Variants in MAN1C1 observed in about 807,000 individuals in gnomAD.
The protein encoded by MAN1C1 is mannosidase alpha class 1C member 1, also known as mannosyl-oligosaccharide 1,2-alpha-mannosidase IC.
Under a neutral mutation model 71.5 loss-of-function variants are expected in MAN1C1, and 49 were observed. That is an observed-to-expected ratio of 0.69 (90% CI 0.54 to 0.87). The LOEUF (loss-of-function observed/expected upper bound fraction) is 0.87. Among genes scored for constraint, MAN1C1 ranks in the 40% least tolerant of loss-of-function variants. The pLI is 0.00. For missense variants in MAN1C1, 743 were observed against 835.0 expected (o/e 0.89, Z 1.36); for synonymous variants, 352 against 343.7 (o/e 1.02, Z -0.27).
chr1:25,728,220 G>C (rs113370552), intron 2 of MAN1C1, among the ~76,000 whole-genome samples: 109 of 152,262 alleles, frequency 7.2e-4, no homozygotes, highest in Non-Finnish European at 1.4e-3. Context: ...GAGCTTCTCC[G>C]GGCCTTAGCT....
chr1:25,639,526 C>G (rs2045510012), intron 1 of MAN1C1, among the ~76,000 whole-genome samples: 1 of 152,180 alleles, frequency 6.6e-6, no homozygotes, highest in Non-Finnish European at 1.5e-5. Flanking sequence ...CTTCTTGTAG[C>G]TGTCAGAATA....
chr1:25,777,779 TCAAA>T, intron 8 of MAN1C1: 1 of 241,390 alleles, frequency 4.1e-6, no homozygotes, highest in Non-Finnish European at 7.9e-6. Context: ...CTGGTTAAGA[TCAAA>T]CAGAGGACAT....
At chr1:25,651,352 C>T (rs1171618562) in intron 1 of MAN1C1, among the ~76,000 whole-genome samples, 1 of 152,168 alleles carries the variant, frequency 6.6e-6, no homozygotes, top group East Asian at 1.9e-4. Flanking sequence ...TTGCACGGCT[C>T]TTCAGCTGGC....
chr1:25,693,652 G>A (rs937387857), intron 2 of MAN1C1, among the ~76,000 whole-genome samples: 3 of 152,100 alleles, frequency 2.0e-5, no homozygotes. Flanking sequence ...GAAAATTTGC[G>A]ATTAGGTGGA....
Position 25,783,749 on chromosome 1 carries a change from A to G in MAN1C1, c.1853A>G (p.Asn618Ser). 2 of 1,612,972 alleles carry G rather than the reference A, an allele frequency of 1.2e-6. No individual in the cohort carries two copies. Among genetic ancestry groups the G allele is most frequent in the Non-Finnish European group, 1.7e-6 (2 of 1,180,010 alleles). Reference protein sequence around the residue: ...FNTEAHPLPVNHSDSSGRAWG... With the variant: ...FNTEAHPLPVSHSDSSGRAWG... ...ACCGAGGCCCACCCACTCCCGGTGAACCACTCAGACAGCTCCGGCAGAGCC... is the reference window on the plus strand; with the variant it reads ...ACCGAGGCCCACCCACTCCCGGTGAGCCACTCAGACAGCTCCGGCAGAGCC... Residue 618 changes from asparagine (N) to serine (S), a missense_variant, in exon 12 of 12, where the codon AAC (asparagine) becomes AGC (serine). Physicochemically the swap from Asn to Ser is conservative, Grantham distance 46. Coordinates refer to ENST00000374332, the MANE Select transcript of MAN1C1 (RefSeq NM_020379.4).
chr1:25,732,429 C>T (rs11799560), intron 2 of MAN1C1, among the ~76,000 whole-genome samples: 1,532 of 152,312 alleles, frequency 0.01, 28 homozygotes, highest in African/African-American at 0.033. Flanking sequence ...AGATGATTCT[C>T]TAAGCCTCAG....
At chr1:25,660,113 T>C (rs1277849471) in intron 1 of MAN1C1, among the ~76,000 whole-genome samples, 4 of 152,140 alleles carry the variant, frequency 2.6e-5, no homozygotes, top group Non-Finnish European at 4.4e-5. Context: ...CTTAAGTGTT[T>C]ATATATGGCC....
At chr1:25,686,847 G>A (rs972625134) in intron 2 of MAN1C1, among the ~76,000 whole-genome samples, 15 of 152,336 alleles carry the variant, frequency 9.8e-5, no homozygotes, top group African/African-American at 3.4e-4. Flanking sequence ...TGTTTCCGTG[G>A]AGGTTTGGAG....
intron 1 of MAN1C1, among the ~76,000 whole-genome samples, chr1:25,667,607 G>C (rs1172137391): frequency 2.7e-5 from 4 of 150,606 alleles, no homozygotes; most frequent in Non-Finnish European, 5.9e-5. Context: ...ATAGTTAATT[G>C]TTCTTCGGCA....
intron 4 of MAN1C1, among the ~76,000 whole-genome samples, chr1:25,750,677 G>T (rs574116605): frequency 6.6e-6 from 1 of 152,176 alleles, no homozygotes; most frequent in Non-Finnish European, 1.5e-5. Flanking sequence ...AGAGATTAGC[G>T]CTTGTACCAA....
At chr1:25,767,143 C>A (rs1330559923) in intron 7 of MAN1C1, among the ~76,000 whole-genome samples, 1 of 150,340 alleles carries the variant, frequency 6.7e-6, no homozygotes, top group Admixed American at 6.6e-5. Flanking sequence ...TGGGGAAGAC[C>A]ACACTCGTAC....
intron 1 of MAN1C1, among the ~76,000 whole-genome samples, chr1:25,660,396 CTTTTTTTTTTTTTTTT>C (rs1178878513): frequency 4.1e-5 from 4 of 97,602 alleles, no homozygotes; most frequent in Admixed American, 1.1e-4. Flanking sequence ...AGTGAAATTC[CTTTTTTTTTTTTTTTT>C]TTTTTTTTTT....
intron 3 of MAN1C1, among the ~76,000 whole-genome samples, chr1:25,747,456 GGA>G (rs1226444226): frequency 3.9e-5 from 6 of 152,242 alleles, no homozygotes; most frequent in Non-Finnish European, 8.8e-5. Flanking sequence ...AGCTCCCCAC[GGA>G]GAGAGGCTAT....
chr1:25,629,894 A>G (rs766709334), intron 1 of MAN1C1, among the ~76,000 whole-genome samples: 19 of 152,172 alleles, frequency 1.2e-4, no homozygotes, highest in Non-Finnish European at 2.1e-4. Flanking sequence ...TAGTTTAACG[A>G]GATCCCATTT....
At chr1:25,633,299 C>T (rs2045410931) in intron 1 of MAN1C1, among the ~76,000 whole-genome samples, 1 of 152,162 alleles carries the variant, frequency 6.6e-6, no homozygotes, top group Non-Finnish European at 1.5e-5. Context: ...CTGTAAATAT[C>T]TGTTAAGTCC....
At chr1:25,708,238 G>A (rs141564166) in intron 2 of MAN1C1, among the ~76,000 whole-genome samples, 3 of 152,296 alleles carry the variant, frequency 2.0e-5, no homozygotes, top group Non-Finnish European at 4.4e-5. Flanking sequence ...GAAGGGGTGG[G>A]CAATTCCCTG....
In MAN1C1 at chr1:25,764,769, AAC is replaced by A. The variant is rs1211269296; in HGVS notation, c.1141+804_1141+805del. Among the ~76,000 whole-genome samples the A allele has an allele frequency of 3.3e-5, 5 of 152,180 alleles. No individual in the cohort carries two copies. Among genetic ancestry groups the A allele is most frequent in the African/African-American group, 1.2e-4 (5 of 41,552 alleles). Reference sequence around the variant, plus strand: ...ACAAACAAACAAACAAAAACCATACAACAGTGTAGAAATCATGAATTCAGGCC... The same window carrying A: ...ACAAACAAACAAACAAAAACCATACAAGTGTAGAAATCATGAATTCAGGCC... On this transcript the variant is annotated intron_variant, in intron 7 of 11. Transcript: ENST00000374332. This position sits in a 1 kb window ranked among gnomAD's most constrained non-coding sequence, Gnocchi z 4.4.
rs2045113824 is a variant in MAN1C1 at position 25,617,283 on chromosome 1, C to CA, written c.-514dup. 1.3e-5 allele frequency among the ~76,000 whole-genome samples: 2 copies of CA among 151,940 alleles called. No homozygotes were observed. The highest frequency in any genetic ancestry group is 1.3e-4 in the Admixed American group (2 of 15,268). ...CGCGCTCGGGGCGGCGCTGACACGC[C>CA]AGCCCCCCATCGCCTCGGTCCCCTC... On this transcript the variant is annotated 5_prime_UTR_variant, in exon 1 of 12. Coordinates refer to ENST00000374332, the MANE Select transcript of MAN1C1 (RefSeq NM_020379.4). The surrounding 1 kb of genome is among the most constrained non-coding windows in gnomAD (Gnocchi z 5.1).
chr1:25,782,634 A>G lies in MAN1C1; in HGVS notation c.1700A>G (p.Asp567Gly). 1 of 1,614,034 alleles carries G rather than the reference A, an allele frequency of 6.2e-7. No homozygotes were observed. The highest frequency in any genetic ancestry group is 8.5e-7 in the Non-Finnish European group (1 of 1,179,998). ...GAAGCCGGTTTCTCTGGGATCCAAG[A>G]CGTGTACAGTAGCACCCCCAACCAC... ...RTEAGFSGIQ[D>G]VYSSTPNHDN... is the part of the protein sequence containing the mutation. Residue 567 changes from aspartate to glycine, a missense_variant, in exon 11 of 12, where the codon GAC becomes GGC. Coordinates refer to ENST00000374332, the MANE Select transcript of MAN1C1 (RefSeq NM_020379.4). This position sits in a 1 kb window ranked among gnomAD's most constrained non-coding sequence, Gnocchi z 4.4.
Sources: allele counts gnomAD v4.1 joint callset (sites outside exome capture counted in the v4.1 genomes callset), GRCh38; gene constraint gnomAD v4.1.1; non-coding constraint Gnocchi (gnomAD v3.1); transcripts MANE v1.5; gene names NCBI Gene and HGNC (gene_info 2026-07-23, HGNC 2026-07-21).